SLCO1A2: variants seen among roughly 807,000 people sequenced by gnomAD.
SLCO1A2 encodes OATP-1.
In SLCO1A2, 67 loss-of-function variants were observed where a neutral mutation model predicts 69.0. The ratio of observed to expected loss-of-function variants is 0.97; its 90% CI spans 0.80 to 1.19. The LOEUF (loss-of-function observed/expected upper bound fraction) is 1.19. Ranked by LOEUF, SLCO1A2 falls within the 50% of genes most tolerant of loss-of-function variation. SLCO1A2 has a pLI of 0.00. For synonymous variants in SLCO1A2, 260 were observed against 265.9 expected, an observed-to-expected ratio of 0.98 and a Z score of 0.22; for missense variants, 787 against 793.7, an observed-to-expected ratio of 0.99 and a Z score of 0.10.
rs1408724234 is a variant in SLCO1A2 at position 21,265,997 on chromosome 12, TTCAG to T, written c.*3547_*3550del. ...ATGAGTGATTTTTAGATGGTGAACGTTCAGTCAATGTATGATTTATGCCAGGAGA... is the reference window on the plus strand; with the variant it reads ...ATGAGTGATTTTTAGATGGTGAACGTTCAATGTATGATTTATGCCAGGAGA... On this transcript the variant is annotated 3_prime_UTR_variant, in exon 15 of 15. Coordinates refer to ENST00000683939, the MANE Select transcript of SLCO1A2 (RefSeq NM_001386879.1). 2 of 152,152 alleles carry T rather than the reference TTCAG, an allele frequency of 1.3e-5. No homozygotes were observed. The highest frequency in any genetic ancestry group is 2.9e-5 in the Non-Finnish European group (2 of 68,022). 9.4% of individuals were successfully genotyped at this position (152,152 alleles called of 1,614,324 possible).
In SLCO1A2 at chr12:21,300,560, A is replaced by T. The variant is rs373302390; in HGVS notation, c.698T>A (p.Ile233Asn). The T allele has an allele frequency of 4.4e-6, 7 of 1,607,788 alleles. No homozygotes were observed. The highest frequency in any genetic ancestry group is 2.2e-5 in the East Asian group (1 of 44,720). Residue 233 changes from isoleucine (I) to asparagine (N), a missense_variant, in exon 8 of 15, where the codon ATC becomes AAC. Physicochemically the swap from Ile to Asn is moderately radical, Grantham distance 149. Transcript: ENST00000683939. ...CCAACGAGTGTCAGTGGGAGTTATG[A>T]TCAGATCATCTGTAAAAAAATACAC... The part of the protein sequence containing the change: ...DTGFVNTDDL[I>N]ITPTDTRWVG...
chr12:21,405,205 G>A (rs1377435746), intron 1 of SLCO1A2, among the ~76,000 whole-genome samples: 1 of 150,856 alleles, frequency 6.6e-6, no homozygotes, highest in Non-Finnish European at 1.5e-5. Context: ...AGTTTCTTTT[G>A]CTGTGCAGAA....
At position 21,333,361 on chromosome 12, in the gene SLCO1A2, A is replaced by G. The variant is rs138196896; in HGVS notation, c.60+1227T>C. 2.2e-3 allele frequency among the ~76,000 whole-genome samples: 331 copies of G among 152,228 alleles called. 2 individuals are homozygous for G. Among genetic ancestry groups the G allele is most frequent in the African/African-American group, 7.6e-3 (316 of 41,574 alleles). ...TGCTAAATAATCTCTGTATTTATAAAGCTGGTCCTACTAGCTTCTAGCAAT... is the reference window on the plus strand; with the variant it reads ...TGCTAAATAATCTCTGTATTTATAAGGCTGGTCCTACTAGCTTCTAGCAAT... On this transcript the variant is annotated intron_variant, in intron 2 of 14. Coordinates refer to ENST00000683939, the MANE Select transcript of SLCO1A2 (RefSeq NM_001386879.1).
At chr12:21,319,234 C>A in intron 2 of SLCO1A2, 1 of 844,650 alleles carries the variant, frequency 1.2e-6, no homozygotes, top group Non-Finnish European at 1.8e-6. Context: ...GTCTTCAGAG[C>A]TACAATGATA....
intron 13 of SLCO1A2, chr12:21,274,997 G>A: frequency 9.8e-7 from 1 of 1,022,718 alleles, no homozygotes; most frequent in South Asian, 4.0e-5. Flanking sequence ...CTCTTTGTGT[G>A]CTGCATTCTC....
chr12:21,399,963 T>A (rs1034236454), upstream of SLCO1A2, among the ~76,000 whole-genome samples: 1 of 152,054 alleles, frequency 6.6e-6, no homozygotes. Context: ...GACATAGGCA[T>A]TGGCAAGGAC....
At chr12:21,386,601 C>T (rs568188773) in intron 1 of SLCO1A2, among the ~76,000 whole-genome samples, 2 of 152,210 alleles carry the variant, frequency 1.3e-5, no homozygotes, top group East Asian at 3.9e-4. Flanking sequence ...TCACCTTCTG[C>T]CATGATTGTG....
chr12:21,269,873 G>A (rs1012333595), intron 14 of SLCO1A2, 106 bp from the exon 15 acceptor site: 1 of 747,536 alleles, frequency 1.3e-6, no homozygotes, highest in African/African-American at 1.8e-5. Context: ...GCAGCTGATG[G>A]TTTTGCATGC....
chr12:21,371,053 G>C (rs546728404), intron 2 of SLCO1A2, among the ~76,000 whole-genome samples: 1 of 152,336 alleles, frequency 6.6e-6, no homozygotes, highest in East Asian at 1.9e-4. Flanking sequence ...AGCAGCTTAC[G>C]GCGGTTTTGC....
At chr12:21,366,546 A>G (rs1423538406) in intron 2 of SLCO1A2, among the ~76,000 whole-genome samples, 3 of 152,138 alleles carry the variant, frequency 2.0e-5, no homozygotes, top group Admixed American at 2.0e-4. Context: ...AAGTAAAATA[A>G]TAAAATAAAA....
intron 2 of SLCO1A2, among the ~76,000 whole-genome samples, chr12:21,326,743 G>C (rs1952268823): frequency 6.6e-6 from 1 of 152,158 alleles, no homozygotes; most frequent in African/African-American, 2.4e-5. Context: ...TCAAACTAAA[G>C]CTTTCAAGAA....
Position 21,269,658 on chromosome 12 carries a change from A to C in SLCO1A2, c.1903T>G (p.Ser635Ala), listed in dbSNP as rs1470724764. The change falls in exon 15 of 15, where the codon TCA becomes GCA. Residue 635 changes from serine to alanine, a missense_variant. Coordinates refer to ENST00000683939, the MANE Select transcript of SLCO1A2 (RefSeq NM_001386879.1). ...KCHLPGENAS[S>A]GTELIETKVK... ...TTTGTCTCTATAAGCTCTGTTCCTG[A>C]AGAGGCATTTTCACCAGGTAGATGA... The C allele has an allele frequency of 6.2e-7, 1 of 1,612,590 alleles. No individual in the cohort carries two copies. Among genetic ancestry groups the C allele is most frequent in the Non-Finnish European group, 8.5e-7 (1 of 1,179,076 alleles).
intron 2 of SLCO1A2, among the ~76,000 whole-genome samples, chr12:21,351,841 T>C (rs1591871373): frequency 6.6e-6 from 1 of 151,800 alleles, no homozygotes; most frequent in Admixed American, 6.6e-5. Flanking sequence ...TTGAAGGGAA[T>C]ATACAGTGTG....
intron 2 of SLCO1A2, among the ~76,000 whole-genome samples, chr12:21,360,906 G>T (rs1565515434): frequency 6.6e-6 from 1 of 152,134 alleles, no homozygotes; most frequent in Non-Finnish European, 1.5e-5. Flanking sequence ...ACTCGGTGGA[G>T]CCCACCGCAG....
intron 8 of SLCO1A2, among the ~76,000 whole-genome samples, chr12:21,299,055 C>T (rs1479619912): frequency 6.7e-6 from 1 of 148,760 alleles, no homozygotes; most frequent in Non-Finnish European, 1.5e-5. Flanking sequence ...CTTTTACCTT[C>T]ACACAACAAT....
rs79903223 is a variant in SLCO1A2, at chr12:21,307,634, C to T, written c.336-646G>A. Among the ~76,000 whole-genome samples the T allele has an allele frequency of 2.3e-4, 35 of 152,234 alleles. No individual in the cohort carries two copies. The East Asian group carries it at 5.0e-3, about 22-fold the overall frequency. On this transcript the variant is annotated intron_variant, in intron 4 of 14. Coordinates refer to ENST00000683939, the MANE Select transcript of SLCO1A2 (RefSeq NM_001386879.1). ...TAATTTAAGCAAATTACCACAAGAT[C>T]CACATGCTTTTCCTCAGAAAGTAAA... is the stretch of plus-strand genomic sequence containing the variant.
intron 3 of SLCO1A2, among the ~76,000 whole-genome samples, chr12:21,317,602 G>C (rs1351791848): frequency 1.3e-5 from 2 of 152,086 alleles, no homozygotes; most frequent in African/African-American, 4.8e-5. Context: ...TCAATTCGTG[G>C]GCTATACATG....
At chr12:21,285,398 G>A (rs1449207400) in intron 12 of SLCO1A2, among the ~76,000 whole-genome samples, 18 of 148,410 alleles carry the variant, frequency 1.2e-4, no homozygotes, top group East Asian at 4.0e-4. Flanking sequence ...TCCAGGACCA[G>A]ATGGATTCAC....
intron 2 of SLCO1A2, among the ~76,000 whole-genome samples, chr12:21,325,765 T>C (rs1008016521): frequency 6.6e-5 from 10 of 152,222 alleles, no homozygotes; most frequent in Admixed American, 5.9e-4. Flanking sequence ...CCAAATATTT[T>C]AATCACCCTC....
Sources: allele counts gnomAD v4.1 joint callset (sites outside exome capture counted in the v4.1 genomes callset), GRCh38; gene constraint gnomAD v4.1.1; transcripts MANE v1.5; gene names NCBI Gene and HGNC (gene_info 2026-07-23, HGNC 2026-07-21).